The following OR11H4 variants were observed in gnomAD, a reference collection of about 807,000 sequenced individuals.
OR11H4 encodes the protein olfactory receptor family 11 subfamily H member 4.
For missense variants in OR11H4, 460 were observed against 371.1 expected (o/e 1.24, Z -1.97); for synonymous variants, 162 against 142.3 (o/e 1.14, Z -0.98).
rs746021283 is a variant in OR11H4 at position 20,243,130 on chromosome 14, C to A, written c.309C>A (p.Phe103Leu). The change falls in exon 2 of 2, where the codon TTC (phenylalanine) becomes TTA (leucine). Residue 103 changes from phenylalanine to leucine, a missense_variant. Coordinates refer to ENST00000641082, the MANE Select transcript of OR11H4 (RefSeq NM_001004479.2). ...SFSGCFLQFY[F>L]FFSLGTTECL... ...CTGGGTGCTTCCTCCAGTTCTATTTCTTCTTTTCACTGGGAACAACTGAAT... is the reference window on the plus strand; with the variant it reads ...CTGGGTGCTTCCTCCAGTTCTATTTATTCTTTTCACTGGGAACAACTGAAT... The A allele has an allele frequency of 6.2e-7, 1 of 1,614,146 alleles. No individual in the cohort carries two copies. The highest frequency in any genetic ancestry group is 2.2e-5 in the East Asian group (1 of 44,884).
At position 20,242,852 on chromosome 14, in the gene OR11H4, G is replaced by C. The variant is rs1052991011; in HGVS notation, c.31G>C (p.Glu11Gln). MNRSATHIVTEFILLGFPGCW... is the reference protein window; with the variant it reads MNRSATHIVTQFILLGFPGCW... ...CAGGTCAGCAACACACATCGTGACAGAGTTTATTCTCCTGGGATTCCCTGG... is the reference window on the plus strand; with the variant it reads ...CAGGTCAGCAACACACATCGTGACACAGTTTATTCTCCTGGGATTCCCTGG... Residue 11 changes from glutamate (E) to glutamine (Q), a missense_variant, in exon 2 of 2, where the codon GAG becomes CAG. Physicochemically the swap from Glu to Gln is conservative, Grantham distance 29 (BLOSUM62 2). Transcript: ENST00000641082. 1 of 1,614,086 alleles carries C rather than the reference G, an allele frequency of 6.2e-7. No homozygotes were observed. Among genetic ancestry groups the C allele is most frequent in the Admixed American group, 1.7e-5 (1 of 60,022 alleles).
chr14:20,243,377 G>T lies in OR11H4; in HGVS notation c.556G>T (p.Ala186Ser). Residue 186 changes from alanine to serine, a missense_variant, in exon 2 of 2, where the codon GCT (alanine) becomes TCT (serine). Coordinates refer to ENST00000641082, the MANE Select transcript of OR11H4 (RefSeq NM_001004479.2). The stretch of plus-strand genomic sequence containing the variant: ...CCTGTGTGACATGGACCCATTGATG[G>T]CTCTATCCTGTGCCCCAGCTCCCAT... ...HFLCDMDPLMALSCAPAPITE... is the reference protein window; with the variant it reads ...HFLCDMDPLMSLSCAPAPITE... The T allele has an allele frequency of 6.2e-7, 1 of 1,614,012 alleles. No homozygotes were observed.
chr14:20,241,471 A>G (rs982910884), intron 1 of OR11H4, among the ~76,000 whole-genome samples: 16 of 152,214 alleles, frequency 1.1e-4, no homozygotes, highest in African/African-American at 3.6e-4. Context: ...CAACATTGGA[A>G]AAACAAATCA....
Position 20,243,860 on chromosome 14 carries a change from T to A in OR11H4, c.*94T>A. 1 of 1,280,370 alleles carries A rather than the reference T, an allele frequency of 7.8e-7. No individual in the cohort carries two copies. Among genetic ancestry groups the A allele is most frequent in the Non-Finnish European group, 1.1e-6 (1 of 940,852 alleles). 79.3% of individuals were successfully genotyped at this position (1,280,370 alleles called of 1,614,324 possible). Reference sequence around the variant, plus strand: ...GTCTTTCAGTCCTCAGTCTGAGTAGTTAGAGGTTGTATATTTTACCTGGAA... The same window carrying A: ...GTCTTTCAGTCCTCAGTCTGAGTAGATAGAGGTTGTATATTTTACCTGGAA... On this transcript the variant is annotated 3_prime_UTR_variant, in exon 2 of 2. Transcript: ENST00000641082.
chr14:20,241,725 C>T (rs1312398240), intron 1 of OR11H4, among the ~76,000 whole-genome samples: 1 of 152,060 alleles, frequency 6.6e-6, no homozygotes, highest in African/African-American at 2.4e-5. Context: ...TCTGAGTTCC[C>T]TCAGTTTTTA....
chr14:20,240,535 A>G (rs902592417), intron 1 of OR11H4, among the ~76,000 whole-genome samples: 1 of 151,710 alleles, frequency 6.6e-6, no homozygotes, highest in Admixed American at 6.6e-5. Flanking sequence ...TAAACAAGAC[A>G]AGAGATCTAA....
Position 20,243,007 on chromosome 14 carries a change from G to A in OR11H4, c.186G>A (p.Leu62=), listed in dbSNP as rs1274068819. ...NPLLHTPMYF[L]LGNFAFLEIW... is the part of the protein sequence containing the mutation. The stretch of plus-strand genomic sequence containing the variant: ...TACTACACACCCCCATGTACTTTCT[G>A]CTGGGAAATTTTGCCTTCCTTGAGA... Residue 62 remains leucine, a synonymous_variant, in exon 2 of 2, where the codon CTG becomes CTA. Transcript: ENST00000641082. 1.2e-6 allele frequency: 2 copies of A among 1,614,104 alleles called. No homozygotes were observed. Among genetic ancestry groups the A allele is most frequent in the Non-Finnish European group, 1.7e-6 (2 of 1,180,012 alleles).
rs1880993335 is a variant in OR11H4 at position 20,243,637 on chromosome 14, G to A, written c.816G>A (p.Lys272=). ...ATGGGATCCCAACTTTATTGCAGAA[G>A]ATCCTCACACTGGTATATTCAGTAA... is the stretch of plus-strand genomic sequence containing the variant. ...PTYGIPTLLQ[K]ILTLVYSVTT... The change falls in exon 2 of 2, where the codon AAG becomes AAA. Residue 272 remains lysine, a synonymous_variant. Coordinates refer to ENST00000641082, the MANE Select transcript of OR11H4 (RefSeq NM_001004479.2). 1 of 1,614,082 alleles carries A rather than the reference G, an allele frequency of 6.2e-7. No individual in the cohort carries two copies. The highest frequency in any genetic ancestry group is 1.3e-5 in the African/African-American group (1 of 75,028).
At position 20,242,987 on chromosome 14, in the gene OR11H4, C is replaced by T; in HGVS notation, c.166C>T (p.His56Tyr). The T allele has an allele frequency of 6.2e-7, 1 of 1,614,120 alleles. No individual in the cohort carries two copies. Among genetic ancestry groups the T allele is most frequent in the Non-Finnish European group, 8.5e-7 (1 of 1,180,014 alleles). ...IYAVRCNPLL[H>Y]TPMYFLLGNF... The stretch of plus-strand genomic sequence containing the variant: ...TGCAGTGAGATGCAACCCACTACTA[C>T]ACACCCCCATGTACTTTCTGCTGGG... Residue 56 changes from histidine (H) to tyrosine (Y), a missense_variant, in exon 2 of 2, where the codon CAC becomes TAC. Physicochemically the swap from His to Tyr is moderately conservative, Grantham distance 83. Transcript: ENST00000641082.
chr14:20,242,779 T>G (rs1365580640), intron 1 of OR11H4, 32 bp from the exon 2 acceptor site: 2 of 1,601,592 alleles, frequency 1.2e-6, no homozygotes, highest in African/African-American at 2.7e-5. Context: ...TCCAAGAGAC[T>G]TGGATTACAC....
At chr14:20,241,148 C>G (rs967846555) in intron 1 of OR11H4, among the ~76,000 whole-genome samples, 14 of 152,084 alleles carry the variant, frequency 9.2e-5, no homozygotes, top group African/African-American at 3.4e-4. Flanking sequence ...AAAAAGCTCA[C>G]TAAATAAACT....
At position 20,243,042 on chromosome 14, in the gene OR11H4, T is replaced by C. The variant is rs1367761200; in HGVS notation, c.221T>C (p.Val74Ala). The C allele has an allele frequency of 9.3e-6, 15 of 1,614,098 alleles. No individual in the cohort carries two copies. Among genetic ancestry groups the C allele is most frequent in the Non-Finnish European group, 1.2e-5 (14 of 1,180,050 alleles). Residue 74 changes from valine (V) to alanine (A), a missense_variant, in exon 2 of 2, where the codon GTG becomes GCG. Physicochemically the swap from Val to Ala is moderately conservative, Grantham distance 64. Transcript: ENST00000641082. ...GNFAFLEIWY[V>A]SSTIPNMLVN... is the part of the protein sequence containing the mutation. ...TTTGCCTTCCTTGAGATCTGGTATGTGTCCTCCACTATTCCTAACATGCTA... is the reference window on the plus strand; with the variant it reads ...TTTGCCTTCCTTGAGATCTGGTATGCGTCCTCCACTATTCCTAACATGCTA...
rs1428868427 is a variant in OR11H4, at chr14:20,240,806, ACTT to A, written c.-12+1477_-12+1479del. Among the ~76,000 whole-genome samples the A allele has an allele frequency of 3.9e-5, 6 of 151,978 alleles. No homozygotes were observed. In the East Asian group the frequency reaches 1.2e-3, roughly 29 times the overall value. ...TGGCCAAGCTGGTCTCAAACTCCTG[ACTT>A]CAGCGATCTACCCACTTTGGCCTCT... On this transcript the variant is annotated intron_variant, in intron 1 of 1. Transcript: ENST00000641082.
rs1679653459 is a variant in OR11H4, at chr14:20,242,839, A to T, written c.18A>T (p.Thr6=). The T allele has an allele frequency of 1.2e-6, 2 of 1,613,992 alleles. No homozygotes were observed. The highest frequency in any genetic ancestry group is 1.7e-6 in the Non-Finnish European group (2 of 1,179,880). The part of the protein sequence containing the change: MNRSA[T]HIVTEFILLG... Reference sequence around the variant, plus strand: ...TAAGACCCATGAACAGGTCAGCAACACACATCGTGACAGAGTTTATTCTCC... The same window carrying T: ...TAAGACCCATGAACAGGTCAGCAACTCACATCGTGACAGAGTTTATTCTCC... The change falls in exon 2 of 2, where the codon ACA becomes ACT. Residue 6 remains threonine (T), a synonymous_variant. Coordinates refer to ENST00000641082, the MANE Select transcript of OR11H4 (RefSeq NM_001004479.2).
rs1178108319 is a variant in OR11H4, at chr14:20,242,947, T to G, written c.126T>G (p.Asn42Lys). 1 of 1,614,166 alleles carries G rather than the reference T, an allele frequency of 6.2e-7. No homozygotes were observed. Among genetic ancestry groups the G allele is most frequent in the South Asian group, 1.1e-5 (1 of 91,076 alleles). The change falls in exon 2 of 2, where the codon AAT becomes AAG. Residue 42 changes from asparagine to lysine, a missense_variant. Transcript: ENST00000641082. Reference sequence around the variant, plus strand: ...TTTATGTCTTGACCTTGCTGGGAAATGGAGCCATCATCTATGCAGTGAGAT... The same window carrying G: ...TTTATGTCTTGACCTTGCTGGGAAAGGGAGCCATCATCTATGCAGTGAGAT... ...LVIYVLTLLG[N>K]GAIIYAVRCN...
intron 1 of OR11H4, among the ~76,000 whole-genome samples, chr14:20,241,810 CA>C (rs747277580): frequency 3.1e-4 from 47 of 151,964 alleles, no homozygotes; most frequent in African/African-American, 1.0e-3. Context: ...AGAAGGTCAG[CA>C]AAAAACATGT....
chr14:20,242,712 C>A, intron 1 of OR11H4, 99 bp from the exon 2 acceptor site: 2 of 1,382,042 alleles, frequency 1.4e-6, no homozygotes, highest in Non-Finnish European at 2.0e-6. Flanking sequence ...TCCTGTATAC[C>A]TCAAGTTCTC....
Position 20,241,646 on chromosome 14 carries a change from T to C in OR11H4, c.-11-1165T>C, listed in dbSNP as rs144339360. Among the ~76,000 whole-genome samples, 446 of 152,188 alleles carry C rather than the reference T, an allele frequency of 2.9e-3. 1 individual carries two copies. The highest frequency in any genetic ancestry group is 6.3e-3 in the African/African-American group (261 of 41,532). ...AAAGAAATAAGACACAGAGACAAAG[T>C]ATAGAGAAACAACAGTGAGCCCAGG... On this transcript the variant is annotated intron_variant, in intron 1 of 1. Coordinates refer to ENST00000641082, the MANE Select transcript of OR11H4 (RefSeq NM_001004479.2).
chr14:20,241,074 G>A (rs983439277), intron 1 of OR11H4, among the ~76,000 whole-genome samples: 2 of 151,696 alleles, frequency 1.3e-5, no homozygotes, highest in East Asian at 1.9e-4. Flanking sequence ...TAATACATAG[G>A]ATTGCAGATG....
Sources: allele counts gnomAD v4.1 joint callset (sites outside exome capture counted in the v4.1 genomes callset), GRCh38; gene constraint gnomAD v4.1.1; transcripts MANE v1.5; gene names NCBI Gene and HGNC (gene_info 2026-07-23, HGNC 2026-07-21).